Variants in SEMA6D observed in about 807,000 individuals in gnomAD.
SEMA6D encodes semaphorin 6D, also known as semaphorin-6D.
SEMA6D carries 35 observed loss-of-function variants against 106.6 expected under a neutral mutation model. That is an observed-to-expected ratio of 0.33 (90% CI 0.25 to 0.44). SEMA6D has a LOEUF of 0.44. Among genes scored for constraint, SEMA6D ranks in the 20% least tolerant of loss-of-function variants. SEMA6D has a pLI of 1.00. For missense variants in SEMA6D, 1,185 were observed against 1,345.9 expected (o/e 0.88, Z 1.87); for synonymous variants, 499 against 487.7 (o/e 1.02, Z -0.31).
intron 1 of SEMA6D, among the ~76,000 whole-genome samples, chr15:47,254,331 G>GTATATATATA (rs3050479): frequency 1.2e-3 from 166 of 139,254 alleles, no homozygotes; most frequent in African/African-American, 3.9e-3. Flanking sequence ...GTGTGTGTGT[G>GTATATATATA]TATATATATA....
At chr15:47,486,306 C>T (rs539041748) in intron 3 of SEMA6D, among the ~76,000 whole-genome samples, 5 of 152,188 alleles carry the variant, frequency 3.3e-5, no homozygotes, top group East Asian at 1.9e-4. Flanking sequence ...GCACCACAAG[C>T]GGAACAACAA....
chr15:47,438,085 G>T (rs139894729), intron 2 of SEMA6D, among the ~76,000 whole-genome samples: 1 of 152,080 alleles, frequency 6.6e-6, no homozygotes, highest in African/African-American at 2.4e-5. Context: ...TCCCACAAAG[G>T]TTATTCAGCT....
intron 3 of SEMA6D, among the ~76,000 whole-genome samples, chr15:47,520,252 G>A (rs956677655): frequency 6.6e-6 from 1 of 152,176 alleles, no homozygotes; most frequent in Non-Finnish European, 1.5e-5. Flanking sequence ...TATGTCCTGG[G>A]AATTTATTTC....
intron 2 of SEMA6D, among the ~76,000 whole-genome samples, chr15:47,421,719 A>AG (rs1275949225): frequency 6.6e-6 from 1 of 151,988 alleles, no homozygotes; most frequent in Non-Finnish European, 1.5e-5. Context: ...TCAGAAGTAA[A>AG]GGTGCCAATG....
At position 47,604,548 on chromosome 15, in the gene SEMA6D, AACTATTTTAAATACTC is replaced by A. The variant is rs527675292; in HGVS notation, c.-55+3654_-55+3669del. On this transcript the variant is annotated intron_variant, in intron 4 of 19. Coordinates refer to the SEMA6D transcript ENST00000558014. ...ACTTGAAACTTTGTCAAATTGAATT[AACTATTTTAAATACTC>A]AGAATTTTCATTAACATACAATATA... Among the ~76,000 whole-genome samples, 200 of 152,336 alleles carry A rather than the reference AACTATTTTAAATACTC, an allele frequency of 1.3e-3. 1 individual carries two copies. Among genetic ancestry groups the A allele is most frequent in the African/African-American group, 4.6e-3 (193 of 41,556 alleles).
chr15:47,663,889 G>A (rs1423303751), intron 4 of SEMA6D, among the ~76,000 whole-genome samples: 1 of 152,152 alleles, frequency 6.6e-6, no homozygotes, highest in Non-Finnish European at 1.5e-5. Flanking sequence ...AATGTAAAGT[G>A]GTTGCCCGTG....
chr15:47,404,290 T>C (rs1380424418), intron 1 of SEMA6D, among the ~76,000 whole-genome samples: 1 of 152,140 alleles, frequency 6.6e-6, no homozygotes, highest in Non-Finnish European at 1.5e-5. Flanking sequence ...AAAAAATAAA[T>C]GTTACCATTT....
intron 1 of SEMA6D, among the ~76,000 whole-genome samples, chr15:47,187,121 G>A (rs1344062074): frequency 6.6e-6 from 1 of 152,130 alleles, no homozygotes; most frequent in Non-Finnish European, 1.5e-5. Flanking sequence ...TCTAGGAACT[G>A]AAGGAAGATG....
intron 1 of SEMA6D, among the ~76,000 whole-genome samples, chr15:47,746,000 C>G (rs1207952974): frequency 6.6e-6 from 1 of 152,206 alleles, no homozygotes; most frequent in Non-Finnish European, 1.5e-5. Flanking sequence ...GGTTAATGCT[C>G]TAAATCTTTC....
At chr15:47,733,213 T>G (rs1321421527) in intron 1 of SEMA6D, among the ~76,000 whole-genome samples, 1 of 152,190 alleles carries the variant, frequency 6.6e-6, no homozygotes, top group East Asian at 1.9e-4. Flanking sequence ...TATCACTTAA[T>G]GAAATACACT....
intron 3 of SEMA6D, among the ~76,000 whole-genome samples, chr15:47,552,757 A>G (rs1227357729): frequency 9.3e-6 from 1 of 107,000 alleles, no homozygotes; most frequent in African/African-American, 3.3e-5. Context: ...TAGGTTTGAT[A>G]TTGTTTCACA....
At chr15:47,229,699 C>T (rs1047913429) in intron 1 of SEMA6D, among the ~76,000 whole-genome samples, 7 of 152,070 alleles carry the variant, frequency 4.6e-5, no homozygotes, top group African/African-American at 1.2e-4. Context: ...ATGAAGCTCC[C>T]GTTCCTTGAC....
intron 1 of SEMA6D, among the ~76,000 whole-genome samples, chr15:47,324,865 T>C (rs1291478586): frequency 6.6e-6 from 1 of 152,042 alleles, no homozygotes; most frequent in East Asian, 1.9e-4. Flanking sequence ...TTATTTCACT[T>C]AGGACTATAT....
chr15:47,409,082 T>G (rs1216525498), intron 1 of SEMA6D, among the ~76,000 whole-genome samples: 1 of 152,248 alleles, frequency 6.6e-6, no homozygotes, highest in Non-Finnish European at 1.5e-5. Context: ...AACCTAGTGA[T>G]CTTTTTAGAA....
chr15:47,487,026 G>T (rs2043315397), intron 3 of SEMA6D, among the ~76,000 whole-genome samples: 1 of 152,160 alleles, frequency 6.6e-6, no homozygotes, highest in African/African-American at 2.4e-5. Flanking sequence ...CAAGTCTAGT[G>T]AGGCAAGGCA....
intron 1 of SEMA6D, among the ~76,000 whole-genome samples, chr15:47,737,935 A>G (rs1223537018): frequency 2.6e-5 from 4 of 151,966 alleles, no homozygotes; most frequent in African/African-American, 9.7e-5. Context: ...CTTTACCAGT[A>G]TTATCTTTAA....
chr15:47,625,485 C>T (rs1249150511), intron 4 of SEMA6D, among the ~76,000 whole-genome samples: 2 of 151,930 alleles, frequency 1.3e-5, no homozygotes, highest in Non-Finnish European at 2.9e-5. Flanking sequence ...GCCTGTAATC[C>T]CAGCACTTTA....
chr15:47,522,600 G>A (rs191822930), intron 3 of SEMA6D, among the ~76,000 whole-genome samples: 2 of 152,246 alleles, frequency 1.3e-5, no homozygotes, highest in African/African-American at 4.8e-5. Context: ...AAGCCAAAGG[G>A]GGTCTTTAGA....
intron 3 of SEMA6D, among the ~76,000 whole-genome samples, chr15:47,499,428 T>C (rs1170965336): frequency 2.0e-5 from 3 of 152,174 alleles, no homozygotes; most frequent in Admixed American, 1.3e-4. Context: ...TTTATGTTAT[T>C]TGTATCAAAA....
Sources: allele counts gnomAD v4.1 joint callset (sites outside exome capture counted in the v4.1 genomes callset), GRCh38; gene constraint gnomAD v4.1.1; transcripts MANE v1.5; gene names NCBI Gene and HGNC (gene_info 2026-07-23, HGNC 2026-07-21).